ENPEP: variants seen among roughly 807,000 people sequenced by gnomAD.
ENPEP encodes the protein glutamyl aminopeptidase.
In ENPEP, 103 loss-of-function variants were observed where a neutral mutation model predicts 114.5. The observed-to-expected ratio is 0.90, with a 90% confidence interval of 0.77 to 1.06. ENPEP has a LOEUF of 1.06. Among genes scored for constraint, ENPEP ranks in the 50% least tolerant of loss-of-function variants. ENPEP has a pLI of 0.00. For missense variants in ENPEP, 1,196 were observed against 1,161.3 expected (o/e 1.03, Z -0.43); for synonymous variants, 420 against 422.0 (o/e 1.00, Z 0.06).
At chr4:110,545,113 T>C (rs1010788788) in intron 13 of ENPEP, among the ~76,000 whole-genome samples, 1 of 151,624 alleles carries the variant, frequency 6.6e-6, no homozygotes, top group Non-Finnish European at 1.5e-5. Context: ...GTGGAGGGGG[T>C]GGAAGAGAGA....
At chr4:110,521,544 G>A (rs1226517264) in intron 10 of ENPEP, among the ~76,000 whole-genome samples, 2 of 151,946 alleles carry the variant, frequency 1.3e-5, no homozygotes, top group East Asian at 1.9e-4. Context: ...AAAAAATTTG[G>A]AAGGATAAAA....
At chr4:110,548,144 T>A in intron 13 of ENPEP, 32 bp from the exon 14 acceptor site, 1 of 790,212 alleles carries the variant, frequency 1.3e-6, no homozygotes, top group Non-Finnish European at 1.5e-6. Context: ...TGTGAGTTTT[T>A]TTTTTTTTTT....
chr4:110,561,400 T>C lies in ENPEP; in HGVS notation c.2722-6T>C, dbSNP rs1307004442. On this transcript the variant is annotated splice_polypyrimidine_tract_variant and splice_region_variant and intron_variant, in intron 19 of 19. Transcript: ENST00000265162. The stretch of plus-strand genomic sequence containing the variant: ...ACAATCCTAATTACTCCCCTCTCTT[T>C]TCTAGATGGAGAGCTTTTTTGCAAA... 6.2e-7 allele frequency: 1 copy of C among 1,613,334 alleles called. No individual in the cohort carries two copies. The highest frequency in any genetic ancestry group is 2.2e-5 in the East Asian group (1 of 44,854).
chr4:110,499,588 T>C (rs1266364443), intron 3 of ENPEP, among the ~76,000 whole-genome samples: 8 of 152,336 alleles, frequency 5.3e-5, no homozygotes, highest in Admixed American at 5.2e-4. Context: ...AAAGGTAATG[T>C]AGTTTGAATA....
intron 10 of ENPEP, among the ~76,000 whole-genome samples, chr4:110,524,038 G>A (rs966752385): frequency 7.2e-5 from 11 of 151,782 alleles, no homozygotes; most frequent in Non-Finnish European, 1.2e-4. Flanking sequence ...TTATTTAGAG[G>A]CACAATTACA....
chr4:110,504,883 T>C (rs1004054663), intron 3 of ENPEP, among the ~76,000 whole-genome samples: 36 of 152,202 alleles, frequency 2.4e-4, no homozygotes, highest in African/African-American at 8.7e-4. Flanking sequence ...GTGGGAGACC[T>C]CACCATGATC....
chr4:110,552,071 G>T (rs981724715), intron 17 of ENPEP, among the ~76,000 whole-genome samples: 13 of 152,084 alleles, frequency 8.5e-5, no homozygotes, highest in African/African-American at 3.1e-4. Flanking sequence ...TTCCCATCAG[G>T]TCTTCCAGTG....
rs1479750350 is a variant in ENPEP at position 110,562,828 on chromosome 4, A to G, written c.*1270A>G. ...ATCTAGAAAATCTAAATTTATTTGG[A>G]ACTTTCAAAAATGTAAGGTAATTTA... On this transcript the variant is annotated 3_prime_UTR_variant, in exon 20 of 20. Coordinates refer to ENST00000265162, the MANE Select transcript of ENPEP (RefSeq NM_001977.4). 2.0e-5 allele frequency: 3 copies of G among 152,186 alleles called. No individual in the cohort carries two copies. The highest frequency in any genetic ancestry group is 2.4e-5 in the African/African-American group (1 of 41,462). The allele number at this position is 152,186 out of a possible 1,614,324, so 9.4% of individuals were successfully genotyped here.
intron 17 of ENPEP, among the ~76,000 whole-genome samples, chr4:110,550,388 C>T (rs958378162): frequency 6.6e-6 from 1 of 152,038 alleles, no homozygotes; most frequent in South Asian, 2.1e-4. Context: ...CCTTTGCTCA[C>T]TAGGGTGAAC....
chr4:110,510,496 G>A, intron 6 of ENPEP, 138 bp downstream of exon 6: 1 of 700,664 alleles, frequency 1.4e-6, no homozygotes, highest in Non-Finnish European at 2.4e-6. Context: ...AGGATAGGGT[G>A]GAGCCAGCTG....
chr4:110,495,485 C>G (rs1483051266), intron 3 of ENPEP, among the ~76,000 whole-genome samples: 1 of 152,106 alleles, frequency 6.6e-6, no homozygotes, highest in Non-Finnish European at 1.5e-5. Context: ...CTTTGGGAGG[C>G]TGAGGTGTGC....
Position 110,522,431 on chromosome 4 carries a change from T to C in ENPEP, c.1727+2065T>C, listed in dbSNP as rs144121287. 3.1e-3 allele frequency among the ~76,000 whole-genome samples: 474 copies of C among 152,282 alleles called. 19 individuals are homozygous for C. In the South Asian group the frequency reaches 0.045, roughly 14 times the overall value. ...CTTCTGATCTCATGATCCATGCACATTGGCCTTCCAAACTCCTGGGATTAC... is the reference window on the plus strand; with the variant it reads ...CTTCTGATCTCATGATCCATGCACACTGGCCTTCCAAACTCCTGGGATTAC... On this transcript the variant is annotated intron_variant, in intron 10 of 19. Transcript: ENST00000265162.
intron 8 of ENPEP, among the ~76,000 whole-genome samples, chr4:110,516,494 T>C (rs116275790): frequency 0.013 from 1,933 of 152,220 alleles, 42 homozygotes; most frequent in African/African-American, 0.044. Flanking sequence ...ACCCAGGTAG[T>C]CAGGAGTAGC....
Position 110,506,767 on chromosome 4 carries a change from A to G in ENPEP, c.1039+10A>G. 1.3e-6 allele frequency: 2 copies of G among 1,505,366 alleles called. No homozygotes were observed. The highest frequency in any genetic ancestry group is 2.5e-5 in the South Asian group (2 of 80,450). The allele number at this position is 1,505,366 out of a possible 1,614,324, so 93.3% of individuals were successfully genotyped here. A position where few individuals can be genotyped will look rare whatever the true frequency, so the allele number is the denominator to read the frequency against. ...TCTCTTCCTAAATTAGGTGAGGATC[A>G]TTTTTTAATTTTCTTATTTTTAATA... is the stretch of plus-strand genomic sequence containing the variant. On this transcript the variant is annotated intron_variant, in intron 4 of 19. Transcript: ENST00000265162.
chr4:110,543,112 G>T, intron 13 of ENPEP, 42 bp downstream of exon 13: 1 of 1,544,214 alleles, frequency 6.5e-7, no homozygotes, highest in African/African-American at 1.4e-5. Context: ...AATACTGTGG[G>T]TTTTCTCATA....
intron 10 of ENPEP, 21 bp downstream of exon 10, chr4:110,520,387 G>GA (rs746164941): frequency 2.2e-5 from 36 of 1,608,608 alleles, no homozygotes; most frequent in African/African-American, 2.7e-5. Context: ...ATAATGCATT[G>GA]AAAAAAACAC....
chr4:110,526,528 G>A (rs556408383), intron 10 of ENPEP, among the ~76,000 whole-genome samples: 2 of 152,156 alleles, frequency 1.3e-5, no homozygotes, highest in Non-Finnish European at 1.5e-5. Flanking sequence ...TCCAAGAAAC[G>A]GGATAGCAGA....
chr4:110,545,719 G>A (rs1444111608), intron 13 of ENPEP, among the ~76,000 whole-genome samples: 1 of 151,884 alleles, frequency 6.6e-6, no homozygotes. Context: ...TGGGATTTTT[G>A]TTACCCATAT....
intron 11 of ENPEP, among the ~76,000 whole-genome samples, chr4:110,535,106 A>G (rs1352549136): frequency 6.6e-6 from 1 of 152,166 alleles, no homozygotes; most frequent in African/African-American, 2.4e-5. Context: ...TAACATTTAG[A>G]AGGATTGAAG....
Sources: allele counts gnomAD v4.1 joint callset (sites outside exome capture counted in the v4.1 genomes callset), GRCh38; gene constraint gnomAD v4.1.1; transcripts MANE v1.5; gene names NCBI Gene and HGNC (gene_info 2026-07-23, HGNC 2026-07-21).